FAM210B: variants seen among roughly 807,000 people sequenced by gnomAD.
FAM210B encodes the protein family with sequence similarity 210 member B.
A neutral mutation model predicts 14.9 loss-of-function variants in FAM210B; 11 were observed. That is an observed-to-expected ratio of 0.74 (90% CI 0.46 to 1.22). FAM210B has a LOEUF of 1.22. Among genes scored for constraint, FAM210B ranks in the 50% most tolerant of loss-of-function variants. The pLI, the probability that FAM210B is intolerant of heterozygous loss-of-function variation, is 0.00. For missense variants in FAM210B, 229 were observed against 250.1 expected (o/e 0.92, Z 0.57); for synonymous variants, 113 against 110.2 (o/e 1.03, Z -0.16).
rs975940212 is a variant in FAM210B, at chr20:56,367,522, C to T, written c.*1235C>T. The T allele has an allele frequency of 1.3e-5, 2 of 152,334 alleles. No individual in the cohort carries two copies. The highest frequency in any genetic ancestry group is 1.3e-4 in the Admixed American group (2 of 15,270). 9.4% of individuals were successfully genotyped at this position (152,334 alleles called of 1,614,324 possible). On this transcript the variant is annotated 3_prime_UTR_variant, in exon 3 of 3. Coordinates refer to ENST00000371384, the MANE Select transcript of FAM210B (RefSeq NM_080821.3). ...GGTGTGGTGGCACACGCCTGTAGTCCCAGCTACTGGGGAGGCTGAGGCAGC... is the reference window on the plus strand; with the variant it reads ...GGTGTGGTGGCACACGCCTGTAGTCTCAGCTACTGGGGAGGCTGAGGCAGC...
At chr20:56,364,659 G>A (rs1983594110) in intron 1 of FAM210B, among the ~76,000 whole-genome samples, 1 of 152,234 alleles carries the variant, frequency 6.6e-6, no homozygotes, top group South Asian at 2.1e-4. Flanking sequence ...GCTCAAACTC[G>A]GCTCACTGAG....
At chr20:56,365,599 G>A (rs1362010678) in intron 2 of FAM210B, among the ~76,000 whole-genome samples, 1 of 152,070 alleles carries the variant, frequency 6.6e-6, no homozygotes, top group Non-Finnish European at 1.5e-5. Flanking sequence ...TCTGCCTCCC[G>A]GGTTCAAGTG....
rs571785180 is a variant in FAM210B at position 56,363,265 on chromosome 20, A to G, written c.187-1822A>G. ...TGGTCACCAGCCCAGTCACCAGTCC[A>G]TGCTGCCAGTTAGCCGTCCCTCCCT... is the stretch of plus-strand genomic sequence containing the variant. On this transcript the variant is annotated intron_variant, in intron 1 of 2. Coordinates refer to ENST00000371384, the MANE Select transcript of FAM210B (RefSeq NM_080821.3). This position sits in a 1 kb window ranked among gnomAD's most constrained non-coding sequence, Gnocchi z 4.1. Among the ~76,000 whole-genome samples, 15 of 152,312 alleles carry G rather than the reference A, an allele frequency of 9.8e-5. No individual in the cohort carries two copies. Among genetic ancestry groups the G allele is most frequent in the Admixed American group, 2.6e-4 (4 of 15,296 alleles).
Position 56,366,717 on chromosome 20 carries a change from A to G in FAM210B, c.*430A>G, listed in dbSNP as rs1332562152. ...CTGATATTTGTTGTCAGCTGCCTAC[A>G]GTTTAATATGCAGCGTTCACAAAAC... On this transcript the variant is annotated 3_prime_UTR_variant, in exon 3 of 3. Transcript: ENST00000371384. 5.9e-6 allele frequency: 1 copy of G among 168,700 alleles called. No individual in the cohort carries two copies. Among genetic ancestry groups the G allele is most frequent in the Non-Finnish European group, 1.3e-5 (1 of 78,354 alleles). 10.5% of individuals were successfully genotyped at this position (168,700 alleles called of 1,614,324 possible).
rs180710570 is a variant in FAM210B at position 56,367,846 on chromosome 20, C to T, written c.*1559C>T. ...CCCTGTCACGTAGTTGAAGGAGTTGCATTTATCTTTCTGGCTCCTAATTCC... is the reference window on the plus strand; with the variant it reads ...CCCTGTCACGTAGTTGAAGGAGTTGTATTTATCTTTCTGGCTCCTAATTCC... On this transcript the variant is annotated 3_prime_UTR_variant, in exon 3 of 3. Transcript: ENST00000371384. The T allele has an allele frequency of 1.0e-3, 156 of 152,370 alleles. No individual in the cohort carries two copies. Among genetic ancestry groups the T allele is most frequent in the African/African-American group, 3.4e-3 (143 of 41,580 alleles). 9.4% of individuals were successfully genotyped at this position (152,370 alleles called of 1,614,324 possible).
rs1372588263 is a variant in FAM210B, at chr20:56,366,218, C to G, written c.510C>G (p.Val170=). 1 of 1,614,202 alleles carries G rather than the reference C, an allele frequency of 6.2e-7. No individual in the cohort carries two copies. Among genetic ancestry groups the G allele is most frequent in the Middle Eastern group, 1.6e-4 (1 of 6,062 alleles). The change falls in exon 3 of 3, where the codon GTC becomes GTG. Residue 170 remains valine (V), a synonymous_variant. Transcript: ENST00000371384. ...FAPVRISITL[V]SVPLIVRYFR... Reference sequence around the variant, plus strand: ...CAGTGAGAATCAGCATTACGCTAGTCTCTGTGCCCTTGATTGTCAGATATT... The same window carrying G: ...CAGTGAGAATCAGCATTACGCTAGTGTCTGTGCCCTTGATTGTCAGATATT...
rs1983628604 is a variant in FAM210B, at chr20:56,366,085, C to T, written c.377C>T (p.Pro126Leu). ...YMVVSSGVDM[P>L]AILLKLGFKE... is the part of the protein sequence containing the mutation. ...TTCCCCCCTAGTGGTGTGGACATGC[C>T]TGCAATCCTGCTGAAACTCGGATTT... is the stretch of plus-strand genomic sequence containing the variant. The change falls in exon 3 of 3, where the codon CCT becomes CTT. Residue 126 changes from proline (P) to leucine (L), a missense_variant. Transcript: ENST00000371384. 1 of 1,614,032 alleles carries T rather than the reference C, an allele frequency of 6.2e-7. No homozygotes were observed.
chr20:56,365,949 G>C lies in FAM210B; in HGVS notation c.363-122G>C, dbSNP rs1338071329. 35 of 700,058 alleles carry C rather than the reference G, an allele frequency of 5.0e-5. 1 individual carries two copies. In the African/African-American group the frequency reaches 7.8e-4, roughly 16 times the overall value. 43.4% of individuals were successfully genotyped at this position (700,058 alleles called of 1,614,324 possible). On this transcript the variant is annotated intron_variant, in intron 2 of 2. Coordinates refer to ENST00000371384, the MANE Select transcript of FAM210B (RefSeq NM_080821.3). ...GTGAGCCACTGCACCTGGCCACTAAGACTTTTATTCATTCAGCTACTTCAT... is the reference window on the plus strand; with the variant it reads ...GTGAGCCACTGCACCTGGCCACTAACACTTTTATTCATTCAGCTACTTCAT...
intron 1 of FAM210B, 23 bp from the exon 2 acceptor site, chr20:56,365,064 C>G (rs1269279330): frequency 6.2e-7 from 1 of 1,603,436 alleles, no homozygotes; most frequent in South Asian, 1.1e-5. Flanking sequence ...TAAAGCACCT[C>G]CTCTTCTCTG....
At position 56,365,220 on chromosome 20, in the gene FAM210B, T is replaced by C; in HGVS notation, c.320T>C (p.Ile107Thr). ...GTVGVSLHIG[I>T]SLISLGIFYM... is the part of the protein sequence containing the mutation. ...GTTGGCGTGTCATTGCACATTGGAA[T>C]CTCATTAATTTCCTTGGGCATATTT... is the stretch of plus-strand genomic sequence containing the variant. The change falls in exon 2 of 3, where the codon ATC becomes ACC. Residue 107 changes from isoleucine (I) to threonine (T), a missense_variant. Physicochemically the swap from Ile to Thr is moderately conservative, Grantham distance 89. Coordinates refer to ENST00000371384, the MANE Select transcript of FAM210B (RefSeq NM_080821.3). 1 of 1,614,080 alleles carries C rather than the reference T, an allele frequency of 6.2e-7. No individual in the cohort carries two copies. The highest frequency in any genetic ancestry group is 8.5e-7 in the Non-Finnish European group (1 of 1,180,000).
In FAM210B at chr20:56,363,112, GCT is replaced by G. The variant is rs1983565913; in HGVS notation, c.187-1974_187-1973del. Among the ~76,000 whole-genome samples, 1 of 152,216 alleles carries G rather than the reference GCT, an allele frequency of 6.6e-6. No individual in the cohort carries two copies. Among genetic ancestry groups the G allele is most frequent in the South Asian group, 2.1e-4 (1 of 4,828 alleles). ...ACATGTGCTGGCCAAAGAAAGGGGG[GCT>G]GATGACATCTTCCCTCCTCCCCTCC... On this transcript the variant is annotated intron_variant, in intron 1 of 2. Coordinates refer to ENST00000371384, the MANE Select transcript of FAM210B (RefSeq NM_080821.3). This position sits in a 1 kb window ranked among gnomAD's most constrained non-coding sequence, Gnocchi z 4.1.
Position 56,358,974 on chromosome 20 carries a change from AGCGGCGCGGGT to A in FAM210B, c.-29_-19del. On this transcript the variant is annotated 5_prime_UTR_variant, in exon 1 of 3. Transcript: ENST00000371384. ...CCGGCCTCCGCCCGCCTCCCGGGTC[AGCGGCGCGGGT>A]GCTGCGCCTAGCTGCGCACCATGGC... 1 of 1,174,706 alleles carries A rather than the reference AGCGGCGCGGGT, an allele frequency of 8.5e-7. No homozygotes were observed. The allele number at this position is 1,174,706 out of a possible 1,614,324, so 72.8% of individuals were successfully genotyped here.
chr20:56,366,608 G>A lies in FAM210B; in HGVS notation c.*321G>A. ...TGGGAGACTTTGGCGAGGGTCTGTG[G>A]GTAAAAGCACCAGGGGGTTAATCTT... On this transcript the variant is annotated 3_prime_UTR_variant, in exon 3 of 3. Coordinates refer to ENST00000371384, the MANE Select transcript of FAM210B (RefSeq NM_080821.3). The A allele has an allele frequency of 4.1e-6, 1 of 243,316 alleles. No individual in the cohort carries two copies. The highest frequency in any genetic ancestry group is 1.1e-4 in the East Asian group (1 of 8,902). 15.1% of individuals were successfully genotyped at this position (243,316 alleles called of 1,614,324 possible). A position where few individuals can be genotyped will look rare whatever the true frequency, so the allele number is the denominator to read the frequency against.
chr20:56,364,396 AC>A (rs1983589533), intron 1 of FAM210B, among the ~76,000 whole-genome samples: 1 of 151,550 alleles, frequency 6.6e-6, no homozygotes, highest in African/African-American at 2.4e-5. Flanking sequence ...TGTCCTCACA[AC>A]CCCCTCCCCG....
intron 1 of FAM210B, among the ~76,000 whole-genome samples, chr20:56,361,932 G>A (rs910644849): frequency 3.9e-5 from 6 of 152,088 alleles, no homozygotes; most frequent in Non-Finnish European, 7.4e-5. Context: ...AGCCAAGGTC[G>A]TATCACTCCA....
intron 2 of FAM210B, among the ~76,000 whole-genome samples, chr20:56,365,608 T>C (rs898410455): frequency 2.6e-5 from 4 of 152,086 alleles, no homozygotes; most frequent in African/African-American, 9.7e-5. Flanking sequence ...CGGGTTCAAG[T>C]GGTTCTCCTG....
chr20:56,363,022 C>T lies in FAM210B; in HGVS notation c.187-2065C>T, dbSNP rs1309668130. Reference sequence around the variant, plus strand: ...CTTGTTTATCAGGAAGAACCGATGCCCTCCACAGCCATCCTGGCCGGGGGT... The same window carrying T: ...CTTGTTTATCAGGAAGAACCGATGCTCTCCACAGCCATCCTGGCCGGGGGT... On this transcript the variant is annotated intron_variant, in intron 1 of 2. Coordinates refer to ENST00000371384, the MANE Select transcript of FAM210B (RefSeq NM_080821.3). The surrounding 1 kb of genome is among the most constrained non-coding windows in gnomAD (Gnocchi z 4.1). 6.6e-6 allele frequency among the ~76,000 whole-genome samples: 1 copy of T among 152,190 alleles called. No individual in the cohort carries two copies. Among genetic ancestry groups the T allele is most frequent in the Admixed American group, 6.5e-5 (1 of 15,278 alleles).
At position 56,363,320 on chromosome 20, in the gene FAM210B, CAGG is replaced by C. The variant is rs1211125054; in HGVS notation, c.187-1764_187-1762del. On this transcript the variant is annotated intron_variant, in intron 1 of 2. Coordinates refer to ENST00000371384, the MANE Select transcript of FAM210B (RefSeq NM_080821.3). This position sits in a 1 kb window ranked among gnomAD's most constrained non-coding sequence, Gnocchi z 4.1. ...AGCCTCAGTCATCCATCTGTCAAAA[CAGG>C]AGCGACAAAGGTTCCTGGGTCATGA... Among the ~76,000 whole-genome samples the C allele has an allele frequency of 6.6e-6, 1 of 152,186 alleles. No individual in the cohort carries two copies. The highest frequency in any genetic ancestry group is 1.5e-5 in the Non-Finnish European group (1 of 68,034).
At position 56,363,373 on chromosome 20, in the gene FAM210B, C is replaced by T. The variant is rs7260863; in HGVS notation, c.187-1714C>T. On this transcript the variant is annotated intron_variant, in intron 1 of 2. Transcript: ENST00000371384. This position sits in a 1 kb window ranked among gnomAD's most constrained non-coding sequence, Gnocchi z 4.1. ...AGGCAGTGAGGGATTTATGAAATGA[C>T]GCCTTTGAAGTGGAAGCTCAACTCC... 0.08 allele frequency among the ~76,000 whole-genome samples: 12,228 copies of T among 152,210 alleles called. 1,426 individuals are homozygous for T. Among genetic ancestry groups the T allele is most frequent in the African/African-American group, 0.26 (10,674 of 41,482 alleles).
Sources: allele counts gnomAD v4.1 joint callset (sites outside exome capture counted in the v4.1 genomes callset), GRCh38; gene constraint gnomAD v4.1.1; non-coding constraint Gnocchi (gnomAD v3.1); transcripts MANE v1.5; gene names NCBI Gene and HGNC (gene_info 2026-07-23, HGNC 2026-07-21).